The following CTNNA2 variants were observed in gnomAD, a reference collection of about 807,000 sequenced individuals.
The protein encoded by CTNNA2 is catenin alpha 2.
A neutral mutation model predicts 101.0 loss-of-function variants in CTNNA2; 42 were observed. The observed-to-expected ratio is 0.42, with a 90% CI of 0.32 to 0.54. The LOEUF (loss-of-function observed/expected upper bound fraction) is 0.54. CTNNA2 is among the 20% of genes least tolerant of loss of function. The pLI, the probability that CTNNA2 is intolerant of heterozygous loss-of-function variation, is 0.14. For missense variants in CTNNA2, 871 were observed against 1,223.1 expected (o/e 0.71, Z 4.29); for synonymous variants, 450 against 456.4 (o/e 0.99, Z 0.18).
At chr2:79,972,119 A>G (rs1365464585) in intron 7 of CTNNA2, among the ~76,000 whole-genome samples, 1 of 152,232 alleles carries the variant, frequency 6.6e-6, no homozygotes, top group Non-Finnish European at 1.5e-5. Flanking sequence ...ATACAAGAAC[A>G]TGAATACTGG....
chr2:80,040,662 A>G (rs1251946189), intron 7 of CTNNA2, among the ~76,000 whole-genome samples: 2 of 152,202 alleles, frequency 1.3e-5, no homozygotes, highest in Non-Finnish European at 1.5e-5. Flanking sequence ...CAGCAGTACC[A>G]TTCCCCACAG....
chr2:80,333,104 A>G (rs771034203), intron 7 of CTNNA2, among the ~76,000 whole-genome samples: 1 of 152,186 alleles, frequency 6.6e-6, no homozygotes, highest in Non-Finnish European at 1.5e-5. Flanking sequence ...GAGACTGCAG[A>G]GCCTAAAATA....
chr2:79,748,859 A>C (rs544070213), intron 3 of CTNNA2, among the ~76,000 whole-genome samples: 1 of 152,114 alleles, frequency 6.6e-6, no homozygotes, highest in East Asian at 1.9e-4. Flanking sequence ...TATATCTGTA[A>C]AAAAATACTG....
At chr2:80,299,549 T>C (rs1337834745) in intron 7 of CTNNA2, 2 of 152,198 alleles carry the variant, frequency 1.3e-5, no homozygotes, top group Non-Finnish European at 2.9e-5. Flanking sequence ...AGCTCCCAGA[T>C]TGCAGATTCC....
intron 9 of CTNNA2, among the ~76,000 whole-genome samples, chr2:80,485,182 T>C (rs994688376): frequency 1.3e-5 from 2 of 152,148 alleles, no homozygotes; most frequent in African/African-American, 4.8e-5. Context: ...CTTATTTTCA[T>C]CCACTGTCAA....
chr2:79,472,005 T>A (rs2104547941), intron 4 of CTNNA2, among the ~76,000 whole-genome samples: 1 of 152,252 alleles, frequency 6.6e-6, no homozygotes, highest in Non-Finnish European at 1.5e-5. Context: ...AAGACAAGAA[T>A]ATAAAGTTCA....
chr2:79,927,077 G>A (rs914014452), intron 7 of CTNNA2, among the ~76,000 whole-genome samples: 99 of 152,234 alleles, frequency 6.5e-4, no homozygotes, highest in African/African-American at 2.1e-3. Flanking sequence ...TTATAGGAAT[G>A]TGTATGGTAC....
chr2:79,706,229 G>C (rs987922171), intron 2 of CTNNA2, among the ~76,000 whole-genome samples: 1 of 151,994 alleles, frequency 6.6e-6, no homozygotes, highest in East Asian at 1.9e-4. Context: ...CGGGCGTGGT[G>C]GCGGGCGCCT....
intron 2 of CTNNA2, among the ~76,000 whole-genome samples, chr2:79,282,242 T>A (rs1675408909): frequency 6.6e-6 from 1 of 152,122 alleles, no homozygotes; most frequent in African/African-American, 2.4e-5. Context: ...CTTTATAATC[T>A]TTTTTTAAAA....
At chr2:80,099,204 A>T (rs17018612) in intron 7 of CTNNA2, among the ~76,000 whole-genome samples, 18 of 152,070 alleles carry the variant, frequency 1.2e-4, no homozygotes, top group African/African-American at 3.4e-4. Flanking sequence ...TTCATTAAGA[A>T]TAAGTCCTGA....
At chr2:80,023,343 G>A (rs912771874) in intron 7 of CTNNA2, among the ~76,000 whole-genome samples, 3 of 152,144 alleles carry the variant, frequency 2.0e-5, no homozygotes, top group African/African-American at 7.2e-5. Flanking sequence ...CACCTAAAAT[G>A]TTCTTTTTCT....
chr2:79,303,349 G>A (rs1230748623), intron 2 of CTNNA2, among the ~76,000 whole-genome samples: 1 of 152,102 alleles, frequency 6.6e-6, no homozygotes. Flanking sequence ...CTGACTCCAG[G>A]CTACTTTGTT....
At chr2:79,881,907 G>A (rs1476866467) in intron 6 of CTNNA2, among the ~76,000 whole-genome samples, 1 of 149,684 alleles carries the variant, frequency 6.7e-6, no homozygotes, top group African/African-American at 2.5e-5. Context: ...AGAGTCGTTG[G>A]CCTTTATATT....
chr2:80,100,688 A>T (rs1463372425), intron 7 of CTNNA2, among the ~76,000 whole-genome samples: 1 of 152,136 alleles, frequency 6.6e-6, no homozygotes, highest in Admixed American at 6.6e-5. Flanking sequence ...AAGGTATTCC[A>T]GGTGTTTGGT....
At chr2:80,347,115 G>A (rs1672808516) in intron 7 of CTNNA2, among the ~76,000 whole-genome samples, 1 of 151,756 alleles carries the variant, frequency 6.6e-6, no homozygotes, top group Non-Finnish European at 1.5e-5. Flanking sequence ...ACCAAGCTTT[G>A]TGCTATATAG....
At chr2:80,370,507 A>T (rs1041614455) in intron 7 of CTNNA2, among the ~76,000 whole-genome samples, 6 of 152,140 alleles carry the variant, frequency 3.9e-5, no homozygotes, top group Non-Finnish European at 7.4e-5. Context: ...ATGCTGATTC[A>T]TTGACAACTA....
At chr2:79,879,363 A>G (rs1014790545) in intron 6 of CTNNA2, among the ~76,000 whole-genome samples, 4 of 152,040 alleles carry the variant, frequency 2.6e-5, no homozygotes, top group African/African-American at 9.7e-5. Context: ...AAGAATGTCA[A>G]TGGTAGTTTG....
intron 1 of CTNNA2, among the ~76,000 whole-genome samples, chr2:79,608,346 A>T (rs1384359880): frequency 6.6e-6 from 1 of 152,084 alleles, no homozygotes; most frequent in Non-Finnish European, 1.5e-5. Flanking sequence ...AGAAGAAATG[A>T]TGCCAGTTCT....
At chr2:80,424,473 T>C (rs17019174) in intron 9 of CTNNA2, among the ~76,000 whole-genome samples, 2,493 of 152,342 alleles carry the variant, frequency 0.016, 75 homozygotes, top group African/African-American at 0.056. Flanking sequence ...CTGGGTGATA[T>C]TGGATTGAAT....
Sources: gnomAD v4.1 joint callset for allele counts (sites outside exome capture counted in the v4.1 genomes callset) on GRCh38, gnomAD v4.1.1 for gene constraint, MANE v1.5 for transcripts, NCBI Gene and HGNC (gene_info 2026-07-23, HGNC 2026-07-21) for gene names.